Variants in DRC11 observed in about 807,000 individuals in gnomAD.
The protein encoded by DRC11 is dynein regulatory complex subunit 11.
the DRC11 span, among the ~76,000 whole-genome samples, chr2:236,459,534 CGTATACGTATACGTATACAT>C: frequency 2.9e-5 from 2 of 70,096 alleles, no homozygotes; most frequent in African/African-American, 5.7e-5. Flanking sequence ...TACATGTATA[CGTATACGTATACGTATACAT>C]GTATACGTAT....
the DRC11 span, among the ~76,000 whole-genome samples, chr2:236,447,642 G>A: frequency 6.6e-5 from 10 of 152,290 alleles, no homozygotes; most frequent in African/African-American, 1.2e-4. The surrounding 1 kb of genome is among the most constrained non-coding windows in gnomAD (Gnocchi z 4.6). Context: ...TCCACTTCCC[G>A]CACTTTGTGT....
At chr2:236,490,759 C>T in the DRC11 span, among the ~76,000 whole-genome samples, 3 of 151,878 alleles carry the variant, frequency 2.0e-5, no homozygotes, top group East Asian at 3.9e-4. This position sits in a 1 kb window ranked among gnomAD's most constrained non-coding sequence, Gnocchi z 5.5. Flanking sequence ...AATTTTCATG[C>T]ATCAAAATTC....
At chr2:236,455,684 C>T in the DRC11 span, among the ~76,000 whole-genome samples, 2 of 152,126 alleles carry the variant, frequency 1.3e-5, no homozygotes, top group Non-Finnish European at 2.9e-5. This position sits in a 1 kb window ranked among gnomAD's most constrained non-coding sequence, Gnocchi z 5.7. Context: ...CACAAGCCTT[C>T]GAACGACAAA....
At chr2:236,400,014 G>C in the DRC11 span, among the ~76,000 whole-genome samples, 48 of 152,282 alleles carry the variant, frequency 3.2e-4, no homozygotes, top group East Asian at 8.9e-3. This position sits in a 1 kb window ranked among gnomAD's most constrained non-coding sequence, Gnocchi z 7.9. Flanking sequence ...ACCACACCCG[G>C]CCTGGTCCTG....
At chr2:236,377,185 C>A in the DRC11 span, 1 of 1,605,894 alleles carries the variant, frequency 6.2e-7, no homozygotes, top group Non-Finnish European at 8.5e-7. This position sits in a 1 kb window ranked among gnomAD's most constrained non-coding sequence, Gnocchi z 4.9. Context: ...ACTCGATGGT[C>A]CTGGGGAGAA....
the DRC11 span, among the ~76,000 whole-genome samples, chr2:236,415,983 G>T: frequency 6.6e-6 from 1 of 152,094 alleles, no homozygotes; most frequent in Non-Finnish European, 1.5e-5. The surrounding 1 kb of genome is among the most constrained non-coding windows in gnomAD (Gnocchi z 5.7). Context: ...TGTATTCAGG[G>T]GGCTTTTTTT....
chr2:236,373,639 T>C, the DRC11 span, among the ~76,000 whole-genome samples: 1 of 152,354 alleles, frequency 6.6e-6, no homozygotes, highest in African/African-American at 2.4e-5. Flanking sequence ...TGTTTTCTTA[T>C]TCTTTTTTTC....
At chr2:236,347,852 C>T in the DRC11 span, among the ~76,000 whole-genome samples, 7 of 140,476 alleles carry the variant, frequency 5.0e-5, no homozygotes, top group African/African-American at 1.3e-4. Context: ...CAATAACTTA[C>T]GGCAAAAAAA....
chr2:236,408,942 A>G, the DRC11 span: 2 of 694,796 alleles, frequency 2.9e-6, no homozygotes, highest in African/African-American at 1.8e-5. This position sits in a 1 kb window ranked among gnomAD's most constrained non-coding sequence, Gnocchi z 5.5. Flanking sequence ...GTATCCCAGG[A>G]AGGCTGCGAA....
At chr2:236,504,888 GT>G in the DRC11 span, among the ~76,000 whole-genome samples, 1 of 152,168 alleles carries the variant, frequency 6.6e-6, no homozygotes, top group Non-Finnish European at 1.5e-5. The surrounding 1 kb of genome is among the most constrained non-coding windows in gnomAD (Gnocchi z 5.0). Flanking sequence ...ATGATTGTAA[GT>G]TTCCTAAGGA....
At chr2:236,418,409 G>A in the DRC11 span, among the ~76,000 whole-genome samples, 1 of 152,192 alleles carries the variant, frequency 6.6e-6, no homozygotes, top group Non-Finnish European at 1.5e-5. Context: ...ATTCCGACTG[G>A]ATTTTGGTCA....
the DRC11 span, among the ~76,000 whole-genome samples, chr2:236,378,993 G>C: frequency 6.6e-6 from 1 of 152,168 alleles, no homozygotes; most frequent in Non-Finnish European, 1.5e-5. Flanking sequence ...TTTCTCTAGA[G>C]AGCAGAAACC....
At chr2:236,309,443 T>C in the DRC11 span, among the ~76,000 whole-genome samples, 1 of 152,162 alleles carries the variant, frequency 6.6e-6, no homozygotes, top group Non-Finnish European at 1.5e-5. The surrounding 1 kb of genome is among the most constrained non-coding windows in gnomAD (Gnocchi z 5.7). Flanking sequence ...TCCTGTTTAC[T>C]CACAGGTGGT....
the DRC11 span, among the ~76,000 whole-genome samples, chr2:236,416,998 G>A: frequency 1.3e-5 from 2 of 151,670 alleles, no homozygotes; most frequent in Non-Finnish European, 2.9e-5. Flanking sequence ...GACCTCAGGT[G>A]ATCTGCCTGC....
At chr2:236,346,500 C>T in the DRC11 span, among the ~76,000 whole-genome samples, 8 of 152,232 alleles carry the variant, frequency 5.3e-5, no homozygotes, top group African/African-American at 1.9e-4. Context: ...GGGCTACAAT[C>T]TGTGCTGGCA....
At chr2:236,392,130 G>T in the DRC11 span, 1 of 1,572,396 alleles carries the variant, frequency 6.4e-7, no homozygotes, top group Non-Finnish European at 8.7e-7. This position sits in a 1 kb window ranked among gnomAD's most constrained non-coding sequence, Gnocchi z 5.1. Flanking sequence ...TGTTTTGTTT[G>T]TGAAGTTTAA....
the DRC11 span, among the ~76,000 whole-genome samples, chr2:236,318,486 T>C: frequency 6.6e-6 from 1 of 152,064 alleles, no homozygotes; most frequent in African/African-American, 2.4e-5. This position sits in a 1 kb window ranked among gnomAD's most constrained non-coding sequence, Gnocchi z 7.0. Flanking sequence ...GTGGGATGTA[T>C]GTATGCATGT....
chr2:236,403,313 G>C, the DRC11 span, among the ~76,000 whole-genome samples: 3 of 151,864 alleles, frequency 2.0e-5, no homozygotes, highest in Non-Finnish European at 4.4e-5. Context: ...GGAGTGGCGG[G>C]AGAGAGAGAG....
At chr2:236,321,274 A>G in the DRC11 span, among the ~76,000 whole-genome samples, 1 of 152,252 alleles carries the variant, frequency 6.6e-6, no homozygotes, top group Non-Finnish European at 1.5e-5. Flanking sequence ...TGGACTGATT[A>G]AATAAATAAT....
Sources: allele counts gnomAD v4.1 joint callset (sites outside exome capture counted in the v4.1 genomes callset), GRCh38; gene constraint gnomAD v4.1.1; non-coding constraint Gnocchi (gnomAD v3.1); transcripts MANE v1.5; gene names NCBI Gene and HGNC (gene_info 2026-07-23, HGNC 2026-07-21).